The following CDH13 variants were observed in gnomAD, a reference collection of about 807,000 sequenced individuals.
CDH13 encodes the protein cadherin-13.
A neutral mutation model predicts 63.8 loss-of-function variants in CDH13; 24 were observed. The observed-to-expected ratio is 0.38, with a 90% CI of 0.27 to 0.53. The LOEUF is 0.53. CDH13 is among the 20% of genes least tolerant of loss of function. The probability of loss-of-function intolerance (pLI) is 0.85; values close to 1 mark genes in which losing one functional copy is unlikely to be tolerated. For missense variants in CDH13, 1,049 were observed against 903.1 expected (o/e 1.16, Z -2.07); for synonymous variants, 503 against 355.3 (o/e 1.42, Z -4.67).
chr16:83,406,219 C>T (rs537752567), intron 6 of CDH13, among the ~76,000 whole-genome samples: 69 of 152,276 alleles, frequency 4.5e-4, no homozygotes, highest in Non-Finnish European at 8.4e-4. Flanking sequence ...GACTGAGCTG[C>T]GGTAGCGCCC....
At chr16:83,461,563 G>A (rs997688503) in intron 6 of CDH13, among the ~76,000 whole-genome samples, 1 of 152,152 alleles carries the variant, frequency 6.6e-6, no homozygotes, top group African/African-American at 2.4e-5. Context: ...CAATATTGGG[G>A]TCTTAGTTGA....
At chr16:82,652,718 T>C (rs188402613) in intron 1 of CDH13, among the ~76,000 whole-genome samples, 3 of 152,168 alleles carry the variant, frequency 2.0e-5, no homozygotes, top group Admixed American at 2.0e-4. Flanking sequence ...TTTTTTTTTT[T>C]TTTTTCTGGT....
intron 4 of CDH13, among the ~76,000 whole-genome samples, chr16:83,192,652 A>T (rs761682393): frequency 2.0e-5 from 3 of 152,154 alleles, no homozygotes; most frequent in Non-Finnish European, 4.4e-5. Context: ...TGACTTTAAC[A>T]GGGAGCTTAA....
chr16:82,959,584 CA>C (rs1379892463), intron 2 of CDH13, among the ~76,000 whole-genome samples: 1 of 152,160 alleles, frequency 6.6e-6, no homozygotes, highest in Non-Finnish European at 1.5e-5. Flanking sequence ...ATCTCCTTTG[CA>C]CTCTTTTCGA....
intron 6 of CDH13, among the ~76,000 whole-genome samples, chr16:83,465,474 A>C (rs1598084319): frequency 1.3e-5 from 2 of 152,152 alleles, no homozygotes. Flanking sequence ...TTTCCAGGAG[A>C]GTGGGTAACA....
chr16:82,943,113 T>C (rs1904321083), intron 2 of CDH13, among the ~76,000 whole-genome samples: 1 of 152,228 alleles, frequency 6.6e-6, no homozygotes, highest in African/African-American at 2.4e-5. Context: ...ATCGTATACA[T>C]TTAATTATAT....
chr16:82,867,480 A>T (rs1315538868), intron 2 of CDH13, among the ~76,000 whole-genome samples: 1 of 152,084 alleles, frequency 6.6e-6, no homozygotes, highest in East Asian at 1.9e-4. Flanking sequence ...ATTGTCCATG[A>T]CCCTTAACTC....
At chr16:83,097,102 C>G (rs181071571) in intron 3 of CDH13, among the ~76,000 whole-genome samples, 4 of 152,294 alleles carry the variant, frequency 2.6e-5, no homozygotes, top group Non-Finnish European at 5.9e-5. Context: ...CAACCTCATT[C>G]AAACTCAGTT....
At chr16:83,505,183 G>A (rs1598174862) in intron 7 of CDH13, among the ~76,000 whole-genome samples, 1 of 152,260 alleles carries the variant, frequency 6.6e-6, no homozygotes, top group African/African-American at 2.4e-5. Flanking sequence ...TTAAAATCTA[G>A]CCTCCAGATC....
At chr16:82,824,382 AAG>A (rs2038144200) in intron 1 of CDH13, 1 of 152,194 alleles carries the variant, frequency 6.6e-6, no homozygotes, top group Non-Finnish European at 1.5e-5. Flanking sequence ...CTAGTGGATG[AAG>A]AGAGTTTCTC....
chr16:83,470,606 C>T (rs1008032227), intron 6 of CDH13, among the ~76,000 whole-genome samples: 1 of 152,072 alleles, frequency 6.6e-6, no homozygotes, highest in African/African-American at 2.4e-5. Context: ...AATATGTCCA[C>T]CCTACTCATT....
intron 3 of CDH13, among the ~76,000 whole-genome samples, chr16:83,094,898 TA>T (rs2034118091): frequency 6.6e-6 from 1 of 152,216 alleles, no homozygotes; most frequent in Non-Finnish European, 1.5e-5. Context: ...CAATCACAAT[TA>T]ACTCTGTAAG....
intron 7 of CDH13, among the ~76,000 whole-genome samples, chr16:83,488,743 G>A (rs575587204): frequency 6.2e-4 from 94 of 152,186 alleles, no homozygotes; most frequent in African/African-American, 2.0e-3. Context: ...TCCTGTCTCA[G>A]CCTCCTGAGT....
At chr16:83,572,479 T>C (rs1214043748) in intron 7 of CDH13, among the ~76,000 whole-genome samples, 1 of 152,196 alleles carries the variant, frequency 6.6e-6, no homozygotes, top group Non-Finnish European at 1.5e-5. Flanking sequence ...ATTCCTCTGC[T>C]ACTCTCCCTC....
At chr16:82,752,485 C>T (rs962515607) in intron 1 of CDH13, among the ~76,000 whole-genome samples, 1 of 152,190 alleles carries the variant, frequency 6.6e-6, no homozygotes, top group Admixed American at 6.5e-5. Context: ...TGAACAGATG[C>T]CTGTACAGTT....
chr16:82,705,895 A>G (rs1273486191), intron 1 of CDH13, among the ~76,000 whole-genome samples: 1 of 152,188 alleles, frequency 6.6e-6, no homozygotes, highest in Non-Finnish European at 1.5e-5. Flanking sequence ...AGGTTTAGTC[A>G]TCTGGCATAT....
At chr16:83,519,857 C>A (rs75525993) in intron 7 of CDH13, among the ~76,000 whole-genome samples, 1 of 152,026 alleles carries the variant, frequency 6.6e-6, no homozygotes, top group African/African-American at 2.4e-5. Context: ...GAATGGGTTT[C>A]TTAGAGCTGG....
chr16:83,753,492 G>C (rs1246062983), intron 11 of CDH13, among the ~76,000 whole-genome samples: 2 of 152,154 alleles, frequency 1.3e-5, no homozygotes, highest in African/African-American at 4.8e-5. Context: ...GCTGCAGTGA[G>C]CCAAGATCAC....
At chr16:83,051,953 C>G (rs1222752486) in intron 3 of CDH13, among the ~76,000 whole-genome samples, 1 of 151,742 alleles carries the variant, frequency 6.6e-6, no homozygotes, top group Admixed American at 6.6e-5. Flanking sequence ...TTGTTGTTAA[C>G]TTTGTCCTTG....
Sources: allele counts gnomAD v4.1 joint callset (sites outside exome capture counted in the v4.1 genomes callset), GRCh38; gene constraint gnomAD v4.1.1; transcripts MANE v1.5; gene names NCBI Gene and HGNC (gene_info 2026-07-23, HGNC 2026-07-21).